The following LAMP1 variants were observed in gnomAD, a reference collection of about 807,000 sequenced individuals.
The protein encoded by LAMP1 is lysosome associated membrane protein 1.
In LAMP1, 7 loss-of-function variants were observed where a neutral mutation model predicts 37.5. The ratio of observed to expected loss-of-function variants is 0.19; its 90% confidence interval spans 0.11 to 0.35. LAMP1 has a LOEUF of 0.35. Ranked by LOEUF, LAMP1 falls within the 10% of genes least tolerant of loss-of-function variation. LAMP1 has a pLI of 1.00. For missense variants in LAMP1, 537 were observed against 552.8 expected (o/e 0.97, Z 0.29); for synonymous variants, 236 against 229.1 (o/e 1.03, Z -0.27).
intron 4 of LAMP1, among the ~76,000 whole-genome samples, chr13:113,316,586 C>T (rs2042665957): frequency 1.3e-5 from 2 of 152,050 alleles, no homozygotes; most frequent in African/African-American, 4.8e-5. Flanking sequence ...CCACGCCTGG[C>T]TAATTTTTGT....
chr13:113,321,032 T>G lies in LAMP1; in HGVS notation c.877-372T>G. 1 of 287,462 alleles carries G rather than the reference T, an allele frequency of 3.5e-6. No homozygotes were observed. 17.8% of individuals were successfully genotyped at this position (287,462 alleles called of 1,614,324 possible). A position where few individuals can be genotyped will look rare whatever the true frequency, so the allele number is the denominator to read the frequency against. ...CCATTTCTGCAAATAATAAAACGAG[T>G]TAGCTGGGCGTAGTGGCGCACACCT... is the stretch of plus-strand genomic sequence containing the variant. On this transcript the variant is annotated intron_variant, in intron 6 of 8. Coordinates refer to ENST00000332556, the MANE Select transcript of LAMP1 (RefSeq NM_005561.4). The surrounding 1 kb of genome is among the most constrained non-coding windows in gnomAD (Gnocchi z 5.6).
chr13:113,314,453 G>A (rs1251507073), intron 4 of LAMP1, among the ~76,000 whole-genome samples: 7 of 89,068 alleles, frequency 7.9e-5, no homozygotes, highest in Admixed American at 1.0e-4. Context: ...TGCCTGGGGC[G>A]TGGCCTCCTG....
chr13:113,309,256 A>G (rs2042616389), intron 2 of LAMP1, among the ~76,000 whole-genome samples: 1 of 151,904 alleles, frequency 6.6e-6, no homozygotes, highest in African/African-American at 2.4e-5. Flanking sequence ...AGACACCACC[A>G]TGTCTGATTA....
chr13:113,320,519 A>G lies in LAMP1; in HGVS notation c.876+49A>G, dbSNP rs1179369725. Reference sequence around the variant, plus strand: ...TGGGGGCGCCCACTGTGTCTCCACCACATCTTTTTGTGCCCTGGGTCTGCT... The same window carrying G: ...TGGGGGCGCCCACTGTGTCTCCACCGCATCTTTTTGTGCCCTGGGTCTGCT... On this transcript the variant is annotated intron_variant, in intron 6 of 8. Transcript: ENST00000332556. The surrounding 1 kb of genome is among the most constrained non-coding windows in gnomAD (Gnocchi z 4.4). 1.3e-6 allele frequency: 2 copies of G among 1,584,198 alleles called. No homozygotes were observed. Among genetic ancestry groups the G allele is most frequent in the South Asian group, 1.1e-5 (1 of 90,610 alleles).
chr13:113,316,908 G>A (rs994143727), intron 4 of LAMP1, among the ~76,000 whole-genome samples: 2 of 151,964 alleles, frequency 1.3e-5, no homozygotes, highest in African/African-American at 2.4e-5. Context: ...TCAGAAAGGC[G>A]GAGAGGATGA....
intron 2 of LAMP1, among the ~76,000 whole-genome samples, chr13:113,307,731 T>C (rs987437257): frequency 3.4e-5 from 5 of 149,086 alleles, no homozygotes; most frequent in Non-Finnish European, 7.4e-5. Context: ...TTGGGATGAC[T>C]AAAGCCTTTT....
Position 113,301,858 on chromosome 13 carries a change from C to CTT in LAMP1, c.61+4384_61+4385dup, listed in dbSNP as rs539321614. On this transcript the variant is annotated intron_variant, in intron 1 of 8. Transcript: ENST00000332556. ...GCCAAGAAAAACTAAGATGTGATTTCTTTTTTTTTTTTTTTTTTTTTTGAG... is the reference window on the plus strand; with the variant it reads ...GCCAAGAAAAACTAAGATGTGATTTCTTTTTTTTTTTTTTTTTTTTTTTTGAG... 1.5e-4 allele frequency among the ~76,000 whole-genome samples: 11 copies of CTT among 74,326 alleles called. 1 individual carries two copies. Among genetic ancestry groups the CTT allele is most frequent in the African/African-American group, 3.1e-4 (6 of 19,546 alleles). 48.8% of individuals were successfully genotyped at this position (74,326 alleles called of 152,430 possible). A position where few individuals can be genotyped will look rare whatever the true frequency, so the allele number is the denominator to read the frequency against.
chr13:113,302,323 T>C (rs974224536), intron 1 of LAMP1, among the ~76,000 whole-genome samples: 1 of 152,190 alleles, frequency 6.6e-6, no homozygotes, highest in Admixed American at 6.5e-5. Context: ...TAGCTGAGAC[T>C]ACAGGCATGC....
At chr13:113,319,122 A>T (rs2042682958) in intron 4 of LAMP1, among the ~76,000 whole-genome samples, 1 of 152,034 alleles carries the variant, frequency 6.6e-6, no homozygotes, top group Non-Finnish European at 1.5e-5. Context: ...AGGCTTTCTC[A>T]CCCTCACTTT....
At chr13:113,300,267 A>T (rs1243628377) in intron 1 of LAMP1, among the ~76,000 whole-genome samples, 3 of 151,870 alleles carry the variant, frequency 2.0e-5, no homozygotes, top group Admixed American at 6.6e-5. Flanking sequence ...GATCAGCTGA[A>T]GTCAGGGGTT....
chr13:113,321,333 G>T lies in LAMP1; in HGVS notation c.877-71G>T. 8.2e-7 allele frequency: 1 copy of T among 1,216,618 alleles called. No individual in the cohort carries two copies. Among genetic ancestry groups the T allele is most frequent in the South Asian group, 1.2e-5 (1 of 82,822 alleles). 75.4% of individuals were successfully genotyped at this position (1,216,618 alleles called of 1,614,324 possible). On this transcript the variant is annotated intron_variant, in intron 6 of 8. Coordinates refer to ENST00000332556, the MANE Select transcript of LAMP1 (RefSeq NM_005561.4). This position sits in a 1 kb window ranked among gnomAD's most constrained non-coding sequence, Gnocchi z 5.6. ...CATTCACGTTTGATGATAAATGTGT[G>T]AATCTACTGGGGTTAAAGATCATCT...
At position 113,320,446 on chromosome 13, in the gene LAMP1, C is replaced by A; in HGVS notation, c.852C>A (p.Thr284=). Residue 284 remains threonine, a synonymous_variant, in exon 6 of 9, where the codon ACC becomes ACA. Coordinates refer to ENST00000332556, the MANE Select transcript of LAMP1 (RefSeq NM_005561.4). The surrounding 1 kb of genome is among the most constrained non-coding windows in gnomAD (Gnocchi z 4.4). The part of the protein sequence containing the change: ...VTLELHSEGT[T]VLLFQFGMNA... ...TGGAGCTGCACAGCGAGGGCACCAC[C>A]GTCCTGCTCTTCCAGTTCGGGATGG... is the stretch of plus-strand genomic sequence containing the variant. 27 of 1,609,962 alleles carry A rather than the reference C, an allele frequency of 1.7e-5. No homozygotes were observed. The highest frequency in any genetic ancestry group is 2.3e-5 in the Non-Finnish European group (27 of 1,179,928).
chr13:113,299,590 G>A lies in LAMP1; in HGVS notation c.61+2095G>A, dbSNP rs61966563. Among the ~76,000 whole-genome samples, 3 of 142,646 alleles carry A rather than the reference G, an allele frequency of 2.1e-5. No homozygotes were observed. The East Asian group carries it at 6.2e-4, about 30-fold the overall frequency. The allele number at this position is 142,646 out of a possible 152,430, so 93.6% of individuals were successfully genotyped here. On this transcript the variant is annotated intron_variant, in intron 1 of 8. Transcript: ENST00000332556. ...AGAATTTTTTTTTTTTTTTTTTGAG[G>A]CAGAGTCTCACTCTGTCACCCAGGC... is the stretch of plus-strand genomic sequence containing the variant.
chr13:113,313,006 G>C (rs78892052), intron 4 of LAMP1, among the ~76,000 whole-genome samples: 1 of 152,200 alleles, frequency 6.6e-6, no homozygotes, highest in African/African-American at 2.4e-5. Flanking sequence ...GGAAGGGCAC[G>C]CACTCTCTGT....
rs1325503717 is a variant in LAMP1 at position 113,310,701 on chromosome 13, TAA to T, written c.404-7_404-6del. 1 of 1,533,924 alleles carries T rather than the reference TAA, an allele frequency of 6.5e-7. No individual in the cohort carries two copies. The highest frequency in any genetic ancestry group is 8.8e-7 in the Non-Finnish European group (1 of 1,141,622). Reference sequence around the variant, plus strand: ...TTGCAATTGTGATTTTTTTTTTTTTTAATCTAGAAATCAAGACTGTGGAATCT... The same window carrying T: ...TTGCAATTGTGATTTTTTTTTTTTTTTCTAGAAATCAAGACTGTGGAATCT... On this transcript the variant is annotated splice_region_variant and splice_polypyrimidine_tract_variant and intron_variant, in intron 3 of 8. Coordinates refer to ENST00000332556, the MANE Select transcript of LAMP1 (RefSeq NM_005561.4).
chr13:113,304,085 T>G (rs1449299097), intron 1 of LAMP1, among the ~76,000 whole-genome samples: 1 of 152,030 alleles, frequency 6.6e-6, no homozygotes, highest in Non-Finnish European at 1.5e-5. Context: ...ATAAAAAAGC[T>G]GAAACCCTCA....
At chr13:113,305,508 T>G (rs1002226154) in intron 1 of LAMP1, 12 of 152,242 alleles carry the variant, frequency 7.9e-5, no homozygotes, top group Non-Finnish European at 1.6e-4. Context: ...AGATTACATT[T>G]GTTGCCAAAC....
chr13:113,317,800 A>G (rs943140709), intron 4 of LAMP1, among the ~76,000 whole-genome samples: 1 of 149,796 alleles, frequency 6.7e-6, no homozygotes, highest in Non-Finnish European at 1.5e-5. Context: ...GACCCTCCCT[A>G]GTCAGCCTTC....
chr13:113,306,544 TGCA>T lies in LAMP1; in HGVS notation c.122_124del (p.Cys41_Ile42delinsLeu). ...GGTGAAAAATGGCAACGGGACCGCG[TGCA>T]TAATGGCCAACTTCTCTGCTGCCTT... On this transcript the variant is annotated inframe_deletion, in exon 2 of 9. Transcript: ENST00000332556. 1 of 1,614,102 alleles carries T rather than the reference TGCA, an allele frequency of 6.2e-7. No individual in the cohort carries two copies. The highest frequency in any genetic ancestry group is 8.5e-7 in the Non-Finnish European group (1 of 1,179,988).
Sources: gnomAD v4.1 joint callset for allele counts (sites outside exome capture counted in the v4.1 genomes callset) on GRCh38, gnomAD v4.1.1 for gene constraint, Gnocchi (gnomAD v3.1) non-coding constraint, MANE v1.5 for transcripts, NCBI Gene and HGNC (gene_info 2026-07-23, HGNC 2026-07-21) for gene names.